Variants in DICER1 observed in about 807,000 individuals in gnomAD.
DICER1 encodes the protein dicer 1, ribonuclease III.
In DICER1, 43 loss-of-function variants were observed where a neutral mutation model predicts 194.1. That is an observed-to-expected ratio of 0.22 (90% CI 0.17 to 0.29). DICER1 has a LOEUF of 0.29. DICER1 is among the 10% of genes least tolerant of loss of function. DICER1 has a pLI of 1.00. For synonymous variants in DICER1, 832 were observed against 820.5 expected (o/e 1.01, Z -0.24); for missense variants, 1,608 against 2,317.0 (o/e 0.69, Z 6.28).
intron 24 of DICER1, among the ~76,000 whole-genome samples, chr14:95,093,040 A>G (rs903141499): frequency 6.6e-6 from 1 of 152,048 alleles, no homozygotes; most frequent in Admixed American, 6.6e-5. Flanking sequence ...CTTCAAACCT[A>G]CTCTTAATTT....
chr14:95,098,588 C>CA (rs1180623190), intron 22 of DICER1, among the ~76,000 whole-genome samples: 1 of 152,044 alleles, frequency 6.6e-6, no homozygotes, highest in Non-Finnish European at 1.5e-5. Flanking sequence ...ATGTCACCTT[C>CA]ATGCTACAAG....
At chr14:95,118,796 C>CT (rs1160446319) in intron 8 of DICER1, among the ~76,000 whole-genome samples, 169 of 146,990 alleles carry the variant, frequency 1.1e-3, no homozygotes, top group African/African-American at 4.3e-3. Context: ...TTGAATCATT[C>CT]TTTTAAAAAA....
chr14:95,102,130 G>GAGTAGTGC (rs1315591471), intron 21 of DICER1, among the ~76,000 whole-genome samples: 3 of 152,034 alleles, frequency 2.0e-5, no homozygotes, highest in African/African-American at 7.2e-5. Context: ...GTGCGTATAC[G>GAGTAGTGC]GTTATCTTTT....
At position 95,117,768 on chromosome 14, in the gene DICER1, A is replaced by T. The variant is rs1446068887; in HGVS notation, c.1377-14T>A. On this transcript the variant is annotated splice_polypyrimidine_tract_variant and intron_variant, in intron 8 of 26. Coordinates refer to ENST00000343455, the MANE Select transcript of DICER1 (RefSeq NM_177438.3). ...TCCTTTATCAATCTAAGAAAATTAT[A>T]CACATTTGGAAGTTAAACGTTGCTG... 3 of 1,613,392 alleles carry T rather than the reference A, an allele frequency of 1.9e-6. No homozygotes were observed. In the South Asian group the frequency reaches 3.3e-5, roughly 18 times the overall value.
chr14:95,099,150 G>T (rs751241455), intron 22 of DICER1, among the ~76,000 whole-genome samples: 1 of 152,158 alleles, frequency 6.6e-6, no homozygotes, highest in Non-Finnish European at 1.5e-5. Flanking sequence ...CCACCACTGC[G>T]CTGGTTCCTG....
At chr14:95,142,499 T>A (rs1894883928) in intron 1 of DICER1, among the ~76,000 whole-genome samples, 1 of 152,202 alleles carries the variant, frequency 6.6e-6, no homozygotes, top group Non-Finnish European at 1.5e-5. Context: ...TTCCTAGAAA[T>A]GCCATAATCA....
rs1333746443 is a variant in DICER1 at position 95,108,312 on chromosome 14, T to C, written c.2436+12A>G. The C allele has an allele frequency of 6.2e-7, 1 of 1,613,060 alleles. No homozygotes were observed. Among genetic ancestry groups the C allele is most frequent in the Non-Finnish European group, 8.5e-7 (1 of 1,179,086 alleles). On this transcript the variant is annotated intron_variant, in intron 15 of 26. Coordinates refer to ENST00000343455, the MANE Select transcript of DICER1 (RefSeq NM_177438.3). ...ACGTTTTTGACATAAGTACTCATTATGAAATACCTACCTGAGGTATGGGTT... is the reference window on the plus strand; with the variant it reads ...ACGTTTTTGACATAAGTACTCATTACGAAATACCTACCTGAGGTATGGGTT...
rs766652674 is a variant in DICER1 at position 95,096,311 on chromosome 14, C to T, written c.4609G>A (p.Val1537Ile). 6.2e-7 allele frequency: 1 copy of T among 1,614,208 alleles called. No homozygotes were observed. The highest frequency in any genetic ancestry group is 1.1e-5 in the South Asian group (1 of 91,084). ...FWNPSEENCG[V>I]DTGKQSISYD... The stretch of plus-strand genomic sequence containing the variant: ...GAAATGGACTGCTTTCCCGTGTCAA[C>T]ACCACAGTTTTCTTCTGATGGATTC... Residue 1537 changes from valine (V) to isoleucine (I), a missense_variant, in exon 23 of 27, where the codon GTT (valine) becomes ATT (isoleucine). Transcript: ENST00000343455.
At chr14:95,109,075 G>A (rs895930495) in intron 14 of DICER1, among the ~76,000 whole-genome samples, 26 of 152,276 alleles carry the variant, frequency 1.7e-4, no homozygotes, top group Middle Eastern at 3.4e-3. Context: ...GGGTATGTGT[G>A]TATCTGTGTT....
intron 24 of DICER1, among the ~76,000 whole-genome samples, chr14:95,092,957 G>C (rs1453786188): frequency 6.6e-6 from 1 of 152,222 alleles, no homozygotes; most frequent in Non-Finnish European, 1.5e-5. Context: ...GTTAAAGTAA[G>C]AGCAGGGCCT....
chr14:95,095,804 G>A (rs1247761546), intron 23 of DICER1, 21 bp downstream of exon 23: 2 of 1,613,308 alleles, frequency 1.2e-6, no homozygotes, highest in South Asian at 2.2e-5. Context: ...CAGAAATGAA[G>A]TCTGGTCGTG....
In DICER1 at chr14:95,091,326, T is replaced by C. The variant is rs1595315042; in HGVS notation, c.5404A>G (p.Ile1802Val). The C allele has an allele frequency of 1.2e-6, 2 of 1,613,990 alleles. No homozygotes were observed. Among genetic ancestry groups the C allele is most frequent in the African/African-American group, 2.7e-5 (2 of 74,908 alleles). The part of the protein sequence containing the change: ...SEEDEEKEED[I>V]EVPKAMGDIF... ...TCCCCCATGGCCTTTGGAACTTCAA[T>C]ATCCTCTTCTTTCTCTTCATCCTCC... is the stretch of plus-strand genomic sequence containing the variant. Residue 1802 changes from isoleucine (I) to valine (V), a missense_variant, in exon 25 of 27, where the codon ATT becomes GTT. By Grantham distance (29) the Ile-to-Val change is conservative (BLOSUM62 3). Around this residue, in one of 10 missense-constraint regions of DICER1, gnomAD observed 138 missense variants for 298.3 expected, o/e 0.46. Transcript: ENST00000343455.
chr14:95,138,099 G>C (rs1327037250), intron 1 of DICER1: 1 of 154,214 alleles, frequency 6.5e-6, no homozygotes, highest in African/African-American at 2.4e-5. Flanking sequence ...CAAGTATGTG[G>C]ATCCTATTCC....
At chr14:95,126,407 A>G (rs898461665) in intron 7 of DICER1, among the ~76,000 whole-genome samples, 173 bp downstream of exon 7, 1 of 152,248 alleles carries the variant, frequency 6.6e-6, no homozygotes, top group East Asian at 1.9e-4. Context: ...TGTGCACTGG[A>G]TAACAATGAA....
rs1457366104 is a variant in DICER1, at chr14:95,087,485, A to G, written c.*3013T>C. On this transcript the variant is annotated 3_prime_UTR_variant, in exon 27 of 27. Transcript: ENST00000343455. ...GAGTATATGACACATTGCAGGCATT[A>G]TAATTATCTTTTTCAAATTCCATAA... The G allele has an allele frequency of 1.3e-5, 3 of 233,100 alleles. No individual in the cohort carries two copies. The highest frequency in any genetic ancestry group is 4.4e-5 in the African/African-American group (2 of 45,356). The allele number at this position is 233,100 out of a possible 1,614,324, so 14.4% of individuals were successfully genotyped here. A position where few individuals can be genotyped will look rare whatever the true frequency, so the allele number is the denominator to read the frequency against.
At chr14:95,152,337 GTAA>G (rs1895567933) in intron 1 of DICER1, among the ~76,000 whole-genome samples, 1 of 152,198 alleles carries the variant, frequency 6.6e-6, no homozygotes, top group South Asian at 2.1e-4. Flanking sequence ...AAGCAGAATA[GTAA>G]TAATCTTTTT....
intron 6 of DICER1, among the ~76,000 whole-genome samples, chr14:95,127,682 G>C (rs1361551528): frequency 2.0e-5 from 3 of 152,202 alleles, no homozygotes; most frequent in African/African-American, 4.8e-5. Context: ...TCAGATTTTG[G>C]AGCATTTTGA....
chr14:95,132,754 T>A lies in DICER1; in HGVS notation c.145-77A>T, dbSNP rs1894066163. 3 of 1,397,928 alleles carry A rather than the reference T, an allele frequency of 2.1e-6. No individual in the cohort carries two copies. In the Admixed American group the frequency reaches 5.4e-5, roughly 25 times the overall value. 86.6% of individuals were successfully genotyped at this position (1,397,928 alleles called of 1,614,324 possible). The stretch of plus-strand genomic sequence containing the variant: ...TTATAAAATTGGATTTTATTTTAAA[T>A]CAGGAAATTTCACTATTCTCTAAAA... On this transcript the variant is annotated intron_variant, in intron 2 of 26. Coordinates refer to ENST00000343455, the MANE Select transcript of DICER1 (RefSeq NM_177438.3).
rs755081246 is a variant in DICER1 at position 95,090,621 on chromosome 14, C to T, written c.5646G>A (p.Val1882=). ...TAAATTTCCCCTTTCCTACTACTTC[C>T]ACAGTGACTCTGACCTTCCCGTCGT... ...RTYDGKVRVT[V]EVVGKGKFKG... is the part of the protein sequence containing the mutation. Residue 1882 remains valine (V), a synonymous_variant, in exon 27 of 27, where the codon GTG becomes GTA. Transcript: ENST00000343455. 6.2e-7 allele frequency: 1 copy of T among 1,614,174 alleles called. No homozygotes were observed. Among genetic ancestry groups the T allele is most frequent in the Admixed American group, 1.7e-5 (1 of 60,032 alleles).
Sources: allele counts gnomAD v4.1 joint callset (sites outside exome capture counted in the v4.1 genomes callset), GRCh38; gene constraint gnomAD v4.1.1; regional missense constraint gnomAD v4.1.1; transcripts MANE v1.5; gene names NCBI Gene and HGNC (gene_info 2026-07-23, HGNC 2026-07-21).